Variants in POU2F2 observed in about 807,000 individuals in gnomAD.
The protein encoded by POU2F2 is POU class 2 homeobox 2.
Under a neutral mutation model 63.5 loss-of-function variants are expected in POU2F2, and 14 were observed. The observed-to-expected ratio is 0.22, with a 90% CI of 0.15 to 0.34. POU2F2 has a LOEUF of 0.34. Among genes scored for constraint, POU2F2 ranks in the 10% least tolerant of loss-of-function variants. The probability of loss-of-function intolerance (pLI) is 1.00; values close to 1 mark genes in which losing one functional copy is unlikely to be tolerated. For missense variants in POU2F2, 607 were observed against 815.2 expected, an observed-to-expected ratio of 0.74 and a Z score of 3.11; for synonymous variants, 306 against 348.6, an observed-to-expected ratio of 0.88 and a Z score of 1.36.
chr19:42,109,194 C>T (rs755475685), intron 5 of POU2F2, among the ~76,000 whole-genome samples: 9 of 152,210 alleles, frequency 5.9e-5, no homozygotes, highest in Non-Finnish European at 1.0e-4. Flanking sequence ...GCCCCAGAGC[C>T]GGCCGGCTGC....
chr19:42,140,662 G>A (rs989109345), intron 2 of POU2F2, among the ~76,000 whole-genome samples: 1 of 152,132 alleles, frequency 6.6e-6, no homozygotes, highest in Non-Finnish European at 1.5e-5. Context: ...ATTTCCTTCA[G>A]AGCACTCTGA....
At chr19:42,120,218 C>CT (rs60956281) in intron 4 of POU2F2, among the ~76,000 whole-genome samples, 4,906 of 139,106 alleles carry the variant, frequency 0.035, 211 homozygotes, top group African/African-American at 0.093. Context: ...GCCTAATCTC[C>CT]TTTTTTTTTT....
chr19:42,188,482 C>T (rs1272934483), intron 1 of POU2F2, among the ~76,000 whole-genome samples: 1 of 151,320 alleles, frequency 6.6e-6, no homozygotes, highest in African/African-American at 2.4e-5. Flanking sequence ...ACCAGTATGG[C>T]CAACATGGTG....
At chr19:42,183,365 A>G (rs1292927575) in intron 1 of POU2F2, among the ~76,000 whole-genome samples, 3 of 152,240 alleles carry the variant, frequency 2.0e-5, no homozygotes, top group Non-Finnish European at 4.4e-5. Context: ...GATTCCATTT[A>G]CATGAAATTC....
At chr19:42,122,261 C>T (rs184296351) in intron 3 of POU2F2, 79 bp from the exon 4 acceptor site, 7 of 1,549,826 alleles carry the variant, frequency 4.5e-6, no homozygotes, top group Admixed American at 3.6e-5. Flanking sequence ...CCCTGCCCTC[C>T]TACCATAGGC....
rs771782275 is a variant in POU2F2, at chr19:42,095,914, C to A, written c.745G>T (p.Ala249Ser). Residue 249 changes from alanine to serine, a missense_variant, in exon 9 of 15, where the codon GCC becomes TCC. Around this residue, in one of 7 missense-constraint regions of POU2F2, gnomAD observed 25 missense variants for 92.3 expected, o/e 0.27. Coordinates refer to ENST00000692977, the MANE Select transcript of POU2F2 (RefSeq NM_001394376.1). The surrounding 1 kb of genome is among the most constrained non-coding windows in gnomAD (Gnocchi z 7.1). ...TCGTTGCCGTAGAGCTTGCCCATGG[C>A]CAGGCCCACATCACCCTGGGCCAGT... ...LGFTQGDVGL[A>S]MGKLYGNDFS... 3.1e-6 allele frequency: 5 copies of A among 1,613,546 alleles called. 1 individual carries two copies. The South Asian group carries it at 4.4e-5, about 14-fold the overall frequency.
At chr19:42,126,029 C>CG (rs2033165234) in intron 1 of POU2F2, among the ~76,000 whole-genome samples, 1 of 152,178 alleles carries the variant, frequency 6.6e-6, no homozygotes, top group Admixed American at 6.5e-5. Flanking sequence ...AATTCATACA[C>CG]GGAAGTCCTA....
intron 1 of POU2F2, among the ~76,000 whole-genome samples, chr19:42,174,118 G>C (rs79781948): frequency 6.6e-6 from 1 of 152,014 alleles, no homozygotes; most frequent in Non-Finnish European, 1.5e-5. Context: ...TCAGCCATAC[G>C]CCCGCGACCT....
chr19:42,164,919 T>C (rs890572891), intron 1 of POU2F2, among the ~76,000 whole-genome samples: 1 of 149,130 alleles, frequency 6.7e-6, no homozygotes, highest in African/African-American at 2.5e-5. Flanking sequence ...CTGAGATCTC[T>C]CCACTGCACT....
rs933901533 is a variant in POU2F2, at chr19:42,152,473, G to A, written c.-9+7859C>T. 2 of 152,354 alleles carry A rather than the reference G, an allele frequency of 1.3e-5. No individual in the cohort carries two copies. The highest frequency in any genetic ancestry group is 4.8e-5 in the African/African-American group (2 of 41,388). The allele number at this position is 152,354 out of a possible 1,614,324, so 9.4% of individuals were successfully genotyped here. ...TCTTTCTCGGCTGGCTATCGACCGG[G>A]GCTGTGACATGGTGGATCAATACGG... On this transcript the variant is annotated intron_variant, in intron 2 of 6. Coordinates refer to the POU2F2 transcript ENST00000524801. The surrounding 1 kb of genome is among the most constrained non-coding windows in gnomAD (Gnocchi z 4.1).
intron 2 of POU2F2, among the ~76,000 whole-genome samples, chr19:42,140,700 T>A (rs529505970): frequency 3.3e-5 from 5 of 152,374 alleles, no homozygotes; most frequent in African/African-American, 1.2e-4. Context: ...TTTGCTTTAC[T>A]GTCTCTTTCA....
At chr19:42,187,529 A>G (rs963549956) in intron 1 of POU2F2, among the ~76,000 whole-genome samples, 4 of 151,676 alleles carry the variant, frequency 2.6e-5, no homozygotes, top group Non-Finnish European at 5.9e-5. Context: ...CGGGAGGCCA[A>G]GGCAGGCAGA....
Position 42,132,337 on chromosome 19 carries a change from T to G in POU2F2, c.28+47A>C, listed in dbSNP as rs780288829. On this transcript the variant is annotated intron_variant, in intron 1 of 14. Coordinates refer to ENST00000692977, the MANE Select transcript of POU2F2 (RefSeq NM_001394376.1). ...GCAGGGCCCGCAGAGCAAACCTAAATGTGCTGCCTGTCCTCTGAGCAGTGG... is the reference window on the plus strand; with the variant it reads ...GCAGGGCCCGCAGAGCAAACCTAAAGGTGCTGCCTGTCCTCTGAGCAGTGG... The G allele has an allele frequency of 1.5e-5, 24 of 1,584,234 alleles. No individual in the cohort carries two copies. The South Asian group carries it at 2.7e-4, about 18-fold the overall frequency.
rs1285815276 is a variant in POU2F2 at position 42,162,145 on chromosome 19, GC to G, written c.-69-1754del. On this transcript the variant is annotated intron_variant, in intron 1 of 6. Coordinates refer to the POU2F2 transcript ENST00000524801. This position sits in a 1 kb window ranked among gnomAD's most constrained non-coding sequence, Gnocchi z 4.1. ...GGGCTGGGGTCTTCCCCCAGGCAGT[GC>G]CCCCACCTTGGGCTTCCCTCCAGCA... 6.6e-6 allele frequency among the ~76,000 whole-genome samples: 1 copy of G among 152,144 alleles called. No individual in the cohort carries two copies. Among genetic ancestry groups the G allele is most frequent in the East Asian group, 1.9e-4 (1 of 5,168 alleles).
At chr19:42,195,419 G>A (rs1397368767) in intron 1 of POU2F2, among the ~76,000 whole-genome samples, 1 of 136,866 alleles carries the variant, frequency 7.3e-6, no homozygotes, top group Non-Finnish European at 1.5e-5. Flanking sequence ...GGCAAGCTCC[G>A]CCTCCCGGGT....
At chr19:42,099,239 T>G in intron 7 of POU2F2, 1 of 358,106 alleles carries the variant, frequency 2.8e-6, no homozygotes, top group Non-Finnish European at 5.2e-6. Context: ...CATGAGCATT[T>G]TGGGGGAATG....
chr19:42,100,992 A>G (rs931717405), intron 5 of POU2F2, among the ~76,000 whole-genome samples: 18 of 151,916 alleles, frequency 1.2e-4, no homozygotes, highest in African/African-American at 4.4e-4. Flanking sequence ...CCAGCTACTC[A>G]GGAGGCTGAG....
chr19:42,086,968 T>C lies in POU2F2; in HGVS notation c.*4289A>G, dbSNP rs1289735464. 6.6e-6 allele frequency: 1 copy of C among 152,308 alleles called. No homozygotes were observed. Among genetic ancestry groups the C allele is most frequent in the South Asian group, 2.1e-4 (1 of 4,816 alleles). The allele number at this position is 152,308 out of a possible 1,614,324, so 9.4% of individuals were successfully genotyped here. A position where few individuals can be genotyped will look rare whatever the true frequency, so the allele number is the denominator to read the frequency against. Reference sequence around the variant, plus strand: ...CTTAAAAATATACATTATTTTTTCTTTGTTTCCGCCTTTGTCATCGTCGTC... The same window carrying C: ...CTTAAAAATATACATTATTTTTTCTCTGTTTCCGCCTTTGTCATCGTCGTC... On this transcript the variant is annotated 3_prime_UTR_variant, in exon 15 of 15. Transcript: ENST00000692977.
In POU2F2 at chr19:42,088,998, G is replaced by A. The variant is rs980414012; in HGVS notation, c.*2259C>T. The A allele has an allele frequency of 6.6e-6, 1 of 152,612 alleles. No homozygotes were observed. Among genetic ancestry groups the A allele is most frequent in the Non-Finnish European group, 1.5e-5 (1 of 68,060 alleles). 9.5% of individuals were successfully genotyped at this position (152,612 alleles called of 1,614,324 possible). ...AACGCTGAGGCCTGGAGCTCCATCT[G>A]CCTCTCCTCAGAGTGTCCGGCAGAA... On this transcript the variant is annotated 3_prime_UTR_variant, in exon 15 of 15. Transcript: ENST00000692977.
Sources: gnomAD v4.1 joint callset for allele counts (sites outside exome capture counted in the v4.1 genomes callset) on GRCh38, gnomAD v4.1.1 for gene constraint, gnomAD v4.1.1 regional missense constraint, Gnocchi (gnomAD v3.1) non-coding constraint, MANE v1.5 for transcripts, NCBI Gene and HGNC (gene_info 2026-07-23, HGNC 2026-07-21) for gene names.